Variants in PTPRT observed in about 807,000 individuals in gnomAD.
PTPRT encodes protein tyrosine phosphatase receptor type T, also known as receptor-type tyrosine-protein phosphatase T.
Under a neutral mutation model 176.8 loss-of-function variants are expected in PTPRT, and 56 were observed. The observed-to-expected ratio is 0.32, with a 90% CI of 0.26 to 0.40. The LOEUF is 0.40. Ranked by LOEUF, PTPRT falls within the 10% of genes least tolerant of loss-of-function variation. PTPRT has a pLI of 1.00. For missense variants in PTPRT, 1,540 were observed against 1,908.2 expected (o/e 0.81, Z 3.60); for synonymous variants, 783 against 739.0 (o/e 1.06, Z -0.96).
chr20:42,038,433 A>G, the PTPRT span, among the ~76,000 whole-genome samples: 161 of 152,208 alleles, frequency 1.1e-3, 1 homozygote, highest in East Asian at 0.03. Flanking sequence ...AACTTGGGGG[A>G]TGTGGGAGGC....
intron 16 of PTPRT, among the ~76,000 whole-genome samples, chr20:42,161,800 A>T (rs1467064978): frequency 6.6e-6 from 1 of 152,186 alleles, no homozygotes; most frequent in African/African-American, 2.4e-5. Flanking sequence ...CAGGTTGTTC[A>T]TCATCCCCGT....
At chr20:42,596,211 G>C (rs1205647775) in intron 7 of PTPRT, among the ~76,000 whole-genome samples, 1 of 152,108 alleles carries the variant, frequency 6.6e-6, no homozygotes, top group Admixed American at 6.6e-5. Context: ...TACTGATCCA[G>C]GAAGGAATAT....
At chr20:42,232,857 A>C (rs940066912) in intron 15 of PTPRT, among the ~76,000 whole-genome samples, 2 of 148,238 alleles carry the variant, frequency 1.3e-5, no homozygotes, top group Non-Finnish European at 3.0e-5. Context: ...GATCCTACTC[A>C]TGGTCCCCAG....
At chr20:42,673,906 A>T (rs976760331) in intron 7 of PTPRT, among the ~76,000 whole-genome samples, 7 of 152,140 alleles carry the variant, frequency 4.6e-5, no homozygotes, top group African/African-American at 1.7e-4. Flanking sequence ...TCCATGAAGC[A>T]TGCTATTTCA....
In PTPRT at chr20:42,659,490, C is replaced by T. The variant is rs79758942; in HGVS notation, c.1153+18376G>A. Among the ~76,000 whole-genome samples the T allele has an allele frequency of 7.2e-4, 109 of 152,296 alleles. 1 individual carries two copies. Among genetic ancestry groups the T allele is most frequent in the African/African-American group, 2.6e-3 (108 of 41,560 alleles). ...CATCCACTCTTCAAACTACCAGATG[C>T]GCCAGCCAGACACAGAGGTCTGTCC... On this transcript the variant is annotated intron_variant, in intron 7 of 30. Coordinates refer to ENST00000373187, the MANE Select transcript of PTPRT (RefSeq NM_007050.6).
chr20:43,030,634 G>A (rs1365230110), intron 1 of PTPRT, among the ~76,000 whole-genome samples: 2 of 152,194 alleles, frequency 1.3e-5, no homozygotes, highest in Non-Finnish European at 2.9e-5. Flanking sequence ...GAATCAGGTT[G>A]AGAATACCGA....
chr20:42,995,795 C>T (rs988214971), intron 1 of PTPRT, among the ~76,000 whole-genome samples: 1 of 151,936 alleles, frequency 6.6e-6, no homozygotes, highest in African/African-American at 2.4e-5. Flanking sequence ...ATTGTGACAC[C>T]AATCCAACCC....
intron 12 of PTPRT, among the ~76,000 whole-genome samples, chr20:42,299,750 C>T (rs1355239536): frequency 1.3e-4 from 19 of 146,364 alleles, no homozygotes; most frequent in African/African-American, 3.6e-4. Context: ...TGGTTTCAAG[C>T]GATTCTCCTG....
intron 1 of PTPRT, among the ~76,000 whole-genome samples, chr20:43,064,350 C>A (rs946814186): frequency 6.6e-6 from 1 of 152,158 alleles, no homozygotes; most frequent in Non-Finnish European, 1.5e-5. Flanking sequence ...AGAGTATAGT[C>A]CTCTGCCAGT....
At position 43,021,039 on chromosome 20, in the gene PTPRT, A is replaced by C. The variant is rs567446021; in HGVS notation, c.89-135107T>G. Among the ~76,000 whole-genome samples, 9 of 152,314 alleles carry C rather than the reference A, an allele frequency of 5.9e-5. No homozygotes were observed. The South Asian group carries it at 1.9e-3, about 32-fold the overall frequency. On this transcript the variant is annotated intron_variant, in intron 1 of 30. Transcript: ENST00000373187. ...ACCAGATTCAAAGATACTACACAGAAACTGCTTACCCAGGGTACTATTAAA... is the reference window on the plus strand; with the variant it reads ...ACCAGATTCAAAGATACTACACAGACACTGCTTACCCAGGGTACTATTAAA...
chr20:42,627,445 A>G (rs1365841943), intron 7 of PTPRT, among the ~76,000 whole-genome samples: 1 of 151,574 alleles, frequency 6.6e-6, no homozygotes, highest in Non-Finnish European at 1.5e-5. Context: ...AATTTTTTTA[A>G]TTTTTTTGTA....
intron 26 of PTPRT, among the ~76,000 whole-genome samples, chr20:42,100,814 C>T (rs1328515551): frequency 6.6e-6 from 1 of 152,212 alleles, no homozygotes; most frequent in African/African-American, 2.4e-5. Flanking sequence ...TTCTCTCCAC[C>T]TCTAGCTACT....
chr20:42,122,744 G>A (rs1282759570), intron 19 of PTPRT, among the ~76,000 whole-genome samples: 2 of 152,168 alleles, frequency 1.3e-5, no homozygotes, highest in African/African-American at 4.8e-5. Flanking sequence ...CACACTGAGT[G>A]TGTTATTTCC....
intron 7 of PTPRT, among the ~76,000 whole-genome samples, chr20:42,482,010 T>C (rs1456489996): frequency 6.6e-6 from 1 of 152,062 alleles, no homozygotes; most frequent in African/African-American, 2.4e-5. Context: ...CACCCCACTG[T>C]GTAAGCTTAA....
chr20:43,157,345 C>T (rs2014552706), intron 1 of PTPRT, among the ~76,000 whole-genome samples: 1 of 152,150 alleles, frequency 6.6e-6, no homozygotes, highest in Non-Finnish European at 1.5e-5. Flanking sequence ...GCCTGGGTGG[C>T]AGAGTGAGAC....
intron 2 of PTPRT, among the ~76,000 whole-genome samples, chr20:42,793,632 G>A (rs2077409453): frequency 6.6e-6 from 1 of 152,174 alleles, no homozygotes; most frequent in Admixed American, 6.5e-5. Flanking sequence ...GTAACACAAG[G>A]TAAGTGGAGC....
intron 17 of PTPRT, among the ~76,000 whole-genome samples, chr20:42,157,120 A>G (rs1026718565): frequency 6.6e-6 from 1 of 152,106 alleles, no homozygotes; most frequent in Non-Finnish European, 1.5e-5. Flanking sequence ...CTGCTTGTAC[A>G]TGCCAGATAT....
At chr20:42,493,362 T>G (rs529340002) in intron 7 of PTPRT, among the ~76,000 whole-genome samples, 23 of 151,164 alleles carry the variant, frequency 1.5e-4, no homozygotes, top group African/African-American at 4.4e-4. Context: ...CTTTGAGGGG[T>G]TTTTTTTTAA....
intron 7 of PTPRT, among the ~76,000 whole-genome samples, chr20:42,584,832 C>T (rs143998200): frequency 6.6e-5 from 10 of 152,104 alleles, no homozygotes; most frequent in Non-Finnish European, 8.8e-5. Flanking sequence ...AATTAGCACA[C>T]GTTCTTGGAT....
Sources: gnomAD v4.1 joint callset for allele counts (sites outside exome capture counted in the v4.1 genomes callset) on GRCh38, gnomAD v4.1.1 for gene constraint, MANE v1.5 for transcripts, NCBI Gene and HGNC (gene_info 2026-07-23, HGNC 2026-07-21) for gene names.